Variants in ARHGAP21 observed in about 807,000 individuals in gnomAD.
ARHGAP21 encodes the protein rho GTPase-activating protein 21.
In ARHGAP21, 38 loss-of-function variants were observed where a neutral mutation model predicts 164.6. The ratio of observed to expected loss-of-function variants is 0.23; its 90% CI spans 0.18 to 0.30. ARHGAP21 has a LOEUF of 0.30. Ranked by LOEUF, ARHGAP21 falls within the 10% of genes least tolerant of loss-of-function variation. ARHGAP21 has a pLI of 1.00. For synonymous variants in ARHGAP21, 766 were observed against 857.9 expected (o/e 0.89, Z 1.87); for missense variants, 1,822 against 2,370.7 (o/e 0.77, Z 4.81).
At chr10:24,605,208 C>A (rs2076972474) in intron 11 of ARHGAP21, among the ~76,000 whole-genome samples, 2 of 152,156 alleles carry the variant, frequency 1.3e-5, no homozygotes, top group African/African-American at 4.8e-5. Context: ...AAGAACAGGG[C>A]ACCGATCACT....
intron 2 of ARHGAP21, among the ~76,000 whole-genome samples, chr10:24,706,833 T>A (rs191468192): frequency 6.6e-6 from 1 of 152,388 alleles, no homozygotes; most frequent in Non-Finnish European, 1.5e-5. Context: ...TACTGAGTAT[T>A]TAACATTATT....
At chr10:24,723,345 C>G (rs1363212421) in intron 1 of ARHGAP21, 1 of 150,046 alleles carries the variant, frequency 6.7e-6, no homozygotes, top group Non-Finnish European at 1.5e-5. Context: ...CCTTTGTGCC[C>G]TTCCCTCCGC....
intron 3 of ARHGAP21, among the ~76,000 whole-genome samples, chr10:24,668,520 G>A (rs1388459474): frequency 6.6e-6 from 1 of 152,192 alleles, no homozygotes; most frequent in African/African-American, 2.4e-5. Flanking sequence ...TGCATGAGCT[G>A]CCGGGATAGG....
chr10:24,641,009 G>A (rs778667723), intron 4 of ARHGAP21, among the ~76,000 whole-genome samples: 1 of 152,156 alleles, frequency 6.6e-6, no homozygotes, highest in Non-Finnish European at 1.5e-5. Flanking sequence ...TTATGAGGGG[G>A]TGGAGGTGAA....
At position 24,591,532 on chromosome 10, in the gene ARHGAP21, C is replaced by T. The variant is rs1322057245; in HGVS notation, c.4044+110G>A. 12 of 1,389,376 alleles carry T rather than the reference C, an allele frequency of 8.6e-6. No individual in the cohort carries two copies. The Admixed American group carries it at 1.1e-4, about 12-fold the overall frequency. 86.1% of individuals were successfully genotyped at this position (1,389,376 alleles called of 1,614,324 possible). On this transcript the variant is annotated intron_variant, in intron 23 of 25. Coordinates refer to ENST00000396432, the MANE Select transcript of ARHGAP21 (RefSeq NM_020824.4). Reference sequence around the variant, plus strand: ...AGAAACTGAGCTAGAGACCTGCTTCCGGGGCGCAAAGCGGACAATAGCAAA... The same window carrying T: ...AGAAACTGAGCTAGAGACCTGCTTCTGGGGCGCAAAGCGGACAATAGCAAA...
chr10:24,705,912 G>A lies in ARHGAP21; in HGVS notation c.63+15925C>T, dbSNP rs776631176. ...AGGTCTGATAATAACAATGTTGATC[G>A]AGGGATAAAGGGAAAAATAAGAGCT... is the stretch of plus-strand genomic sequence containing the variant. On this transcript the variant is annotated intron_variant, in intron 2 of 25. Transcript: ENST00000396432. Among the ~76,000 whole-genome samples, 4 of 152,072 alleles carry A rather than the reference G, an allele frequency of 2.6e-5. No individual in the cohort carries two copies. In the East Asian group the frequency reaches 5.8e-4, roughly 22 times the overall value.
intron 2 of ARHGAP21, among the ~76,000 whole-genome samples, chr10:24,683,730 C>G (rs1312061505): frequency 1.3e-5 from 2 of 152,094 alleles, no homozygotes; most frequent in African/African-American, 2.4e-5. Flanking sequence ...ATACTCTGTC[C>G]CTGTCAGCCT....
intron 15 of ARHGAP21, 125 bp from the exon 16 acceptor site, chr10:24,597,708 A>T: frequency 7.1e-7 from 1 of 1,413,506 alleles, no homozygotes; most frequent in Non-Finnish European, 9.6e-7. Context: ...AACAATTCAT[A>T]AGCTTTCAAT....
chr10:24,689,549 G>A (rs1449213025), intron 2 of ARHGAP21, among the ~76,000 whole-genome samples: 1 of 152,012 alleles, frequency 6.6e-6, no homozygotes, highest in Non-Finnish European at 1.5e-5. Context: ...AGACCAGCCT[G>A]GGCAATATGG....
chr10:24,709,105 G>A (rs531902162), intron 2 of ARHGAP21, among the ~76,000 whole-genome samples: 44 of 152,130 alleles, frequency 2.9e-4, no homozygotes, highest in Admixed American at 2.2e-3. Flanking sequence ...AAATACAAAC[G>A]ATCATCAAAA....
intron 9 of ARHGAP21, among the ~76,000 whole-genome samples, chr10:24,611,432 G>A (rs552642947): frequency 2.6e-5 from 4 of 152,156 alleles, no homozygotes; most frequent in South Asian, 2.1e-4. Flanking sequence ...GGCCAGGCGC[G>A]GTGGCTCATG....
chr10:24,596,410 C>T, intron 17 of ARHGAP21: 1 of 476,862 alleles, frequency 2.1e-6, no homozygotes, highest in South Asian at 4.3e-5. Flanking sequence ...AATATATGCA[C>T]ATACATTTAC....
At chr10:24,704,289 C>CT (rs201080039) in intron 2 of ARHGAP21, among the ~76,000 whole-genome samples, 10,052 of 125,902 alleles carry the variant, frequency 0.08, 1,052 homozygotes, top group African/African-American at 0.23. Context: ...TTTTTCTTTT[C>CT]TTTTTTTTTT....
In ARHGAP21 at chr10:24,678,442, C is replaced by T. The variant is rs1465834541; in HGVS notation, c.64-8045G>A. Among the ~76,000 whole-genome samples, 5 of 152,292 alleles carry T rather than the reference C, an allele frequency of 3.3e-5. No individual in the cohort carries two copies. In the East Asian group the frequency reaches 9.6e-4, roughly 29 times the overall value. On this transcript the variant is annotated intron_variant, in intron 2 of 25. Transcript: ENST00000396432. ...TCTCCCTCCACCTCCTACATGTCCC[C>T]TAAAACCCTTGGCAACCACTAATCT...
At chr10:24,643,281 C>T (rs547561834) in intron 4 of ARHGAP21, among the ~76,000 whole-genome samples, 1 of 152,330 alleles carries the variant, frequency 6.6e-6, no homozygotes, top group South Asian at 2.1e-4. Context: ...TCACATGTAA[C>T]ATTTCACACA....
intron 2 of ARHGAP21, among the ~76,000 whole-genome samples, chr10:24,704,289 CTTTTT>C (rs201080039): frequency 7.9e-5 from 10 of 125,972 alleles, no homozygotes; most frequent in Admixed American, 3.2e-4. Context: ...TTTTTCTTTT[CTTTTT>C]TTTTTTTTTT....
At chr10:24,632,871 G>A (rs568571598) in intron 6 of ARHGAP21, among the ~76,000 whole-genome samples, 2 of 152,140 alleles carry the variant, frequency 1.3e-5, no homozygotes, top group South Asian at 2.1e-4. Context: ...AATGATCTTC[G>A]AGGTCTCATA....
rs778940685 is a variant in ARHGAP21 at position 24,670,301 on chromosome 10, T to C, written c.160A>G (p.Lys54Glu). 2.5e-6 allele frequency: 4 copies of C among 1,610,806 alleles called. No homozygotes were observed. The highest frequency in any genetic ancestry group is 1.3e-5 in the African/African-American group (1 of 74,856). ...AAACCAAAGCCTTGAGATGTTCTTT[T>C]CAACGTAACTGTTTTGGGACCTGGC... is the stretch of plus-strand genomic sequence containing the variant. ...SWPGPKTVTLKRTSQGFGFTL... is the reference protein window; with the variant it reads ...SWPGPKTVTLERTSQGFGFTL... Residue 54 changes from lysine (K) to glutamate (E), a missense_variant, in exon 3 of 26, where the codon AAA becomes GAA. Physicochemically the swap from Lys to Glu is moderately conservative, Grantham distance 56. Coordinates refer to ENST00000396432, the MANE Select transcript of ARHGAP21 (RefSeq NM_020824.4).
At chr10:24,644,651 C>T (rs1044748013) in intron 4 of ARHGAP21, among the ~76,000 whole-genome samples, 1 of 152,166 alleles carries the variant, frequency 6.6e-6, no homozygotes, top group Non-Finnish European at 1.5e-5. Context: ...TTTCCACTCC[C>T]CTTGCCCCAC....
Sources: allele counts gnomAD v4.1 joint callset (sites outside exome capture counted in the v4.1 genomes callset), GRCh38; gene constraint gnomAD v4.1.1; transcripts MANE v1.5; gene names NCBI Gene and HGNC (gene_info 2026-07-23, HGNC 2026-07-21).